NFIB: variants seen among roughly 807,000 people sequenced by gnomAD.
The protein encoded by NFIB is nuclear factor 1 B-type.
In NFIB, 11 loss-of-function variants were observed where a neutral mutation model predicts 61.5. The observed-to-expected ratio is 0.18, with a 90% CI of 0.11 to 0.30. The LOEUF is 0.30. NFIB is among the 10% of genes least tolerant of loss of function. NFIB has a pLI of 1.00. For synonymous variants in NFIB, 260 were observed against 216.5 expected, an observed-to-expected ratio of 1.20 and a Z score of -1.76; for missense variants, 471 against 608.9, an observed-to-expected ratio of 0.77 and a Z score of 2.38.
chr9:14,289,744 G>A (rs976205745), intron 2 of NFIB, among the ~76,000 whole-genome samples: 18 of 151,932 alleles, frequency 1.2e-4, no homozygotes, highest in African/African-American at 4.3e-4. Flanking sequence ...TAAATGATGT[G>A]TCATTTTTAA....
intron 2 of NFIB, among the ~76,000 whole-genome samples, chr9:14,219,178 T>C (rs898609478): frequency 6.6e-6 from 1 of 152,156 alleles, no homozygotes; most frequent in Non-Finnish European, 1.5e-5. Flanking sequence ...CACAACTCCC[T>C]ATCTGCCATG....
chr9:14,142,114 T>C (rs2041797262), intron 6 of NFIB, among the ~76,000 whole-genome samples: 1 of 152,308 alleles, frequency 6.6e-6, no homozygotes, highest in Admixed American at 6.5e-5. Flanking sequence ...TTTATTTGTC[T>C]GTTAAATTAC....
At chr9:14,199,032 C>T (rs1003035210) in intron 2 of NFIB, among the ~76,000 whole-genome samples, 1 of 152,332 alleles carries the variant, frequency 6.6e-6, no homozygotes, top group South Asian at 2.1e-4. Flanking sequence ...CAAAACATCA[C>T]ACCCTGACTG....
chr9:14,306,811 T>G (rs899434550), intron 2 of NFIB, among the ~76,000 whole-genome samples, 178 bp downstream of exon 2: 11 of 152,204 alleles, frequency 7.2e-5, no homozygotes, highest in African/African-American at 2.7e-4. Context: ...CTGTGTCTAT[T>G]TACATGGCTC....
At chr9:14,335,328 C>A (rs2060873621) in intron 1 of NFIB, among the ~76,000 whole-genome samples, 1 of 152,222 alleles carries the variant, frequency 6.6e-6, no homozygotes, top group African/African-American at 2.4e-5. Context: ...AGCTCCCATT[C>A]CTCCACATCC....
At chr9:14,203,379 C>T (rs2049271595) in intron 2 of NFIB, among the ~76,000 whole-genome samples, 1 of 152,132 alleles carries the variant, frequency 6.6e-6, no homozygotes, top group Non-Finnish European at 1.5e-5. Flanking sequence ...TCTGCATAAA[C>T]CCGGTTAATT....
the NFIB span, among the ~76,000 whole-genome samples, chr9:14,443,257 C>T: frequency 0.1 from 15,654 of 152,096 alleles, 858 homozygotes; most frequent in Middle Eastern, 0.15. Context: ...AGTCTCCATG[C>T]TACCCACCTC....
rs972509973 is a variant in NFIB at position 14,083,587 on chromosome 9, C to T, written c.*4722G>A. The T allele has an allele frequency of 4.7e-6, 1 of 214,052 alleles. No homozygotes were observed. Among genetic ancestry groups the T allele is most frequent in the African/African-American group, 2.3e-5 (1 of 43,984 alleles). 13.3% of individuals were successfully genotyped at this position (214,052 alleles called of 1,614,324 possible). ...AAAGACCTTGACAGGAACATGTAAA[C>T]TATATTGAATGTCATGCTTGGGGCC... is the stretch of plus-strand genomic sequence containing the variant. On this transcript the variant is annotated 3_prime_UTR_variant, in exon 11 of 11. Coordinates refer to ENST00000380953, the MANE Select transcript of NFIB (RefSeq NM_001190737.2).
chr9:14,309,973 C>A (rs917772918), intron 1 of NFIB, among the ~76,000 whole-genome samples: 1 of 152,160 alleles, frequency 6.6e-6, no homozygotes, highest in African/African-American at 2.4e-5. Context: ...AATATTAAGC[C>A]ATGTGGTAAC....
At chr9:14,275,470 C>A (rs957156285) in intron 2 of NFIB, among the ~76,000 whole-genome samples, 1 of 152,118 alleles carries the variant, frequency 6.6e-6, no homozygotes, top group Admixed American at 6.6e-5. Context: ...AAGTGCACGG[C>A]GCCATGGTTA....
the NFIB span, among the ~76,000 whole-genome samples, chr9:14,455,578 G>C: frequency 6.6e-6 from 1 of 152,110 alleles, no homozygotes; most frequent in Non-Finnish European, 1.5e-5. Context: ...ATTTAATGAA[G>C]ATGATGTTTA....
the NFIB span, among the ~76,000 whole-genome samples, chr9:14,404,997 A>G: frequency 6.6e-6 from 1 of 152,216 alleles, no homozygotes; most frequent in African/African-American, 2.4e-5. Flanking sequence ...CCTGCTGGGC[A>G]TACAACTGTA....
At chr9:14,406,947 T>A in the NFIB span, among the ~76,000 whole-genome samples, 1 of 152,222 alleles carries the variant, frequency 6.6e-6, no homozygotes, top group African/African-American at 2.4e-5. Context: ...TTTAAGCCAT[T>A]GAGATATCAT....
chr9:14,152,275 A>T (rs756180532), intron 4 of NFIB, among the ~76,000 whole-genome samples: 3 of 152,146 alleles, frequency 2.0e-5, no homozygotes, highest in Non-Finnish European at 4.4e-5. Flanking sequence ...TCCAATGAGT[A>T]ACTAAGTGCC....
intron 10 of NFIB, among the ~76,000 whole-genome samples, chr9:14,108,218 A>G (rs1341234763): frequency 6.6e-6 from 1 of 152,130 alleles, no homozygotes; most frequent in Non-Finnish European, 1.5e-5. Context: ...AACAGACACA[A>G]TAAGAACAGC....
At chr9:14,281,576 T>A (rs982886970) in intron 2 of NFIB, among the ~76,000 whole-genome samples, 2 of 152,218 alleles carry the variant, frequency 1.3e-5, no homozygotes, top group African/African-American at 4.8e-5. Flanking sequence ...TGCTGCTAAG[T>A]TAGAAACATG....
chr9:14,237,698 A>C (rs1484641922), intron 2 of NFIB, among the ~76,000 whole-genome samples: 1 of 151,802 alleles, frequency 6.6e-6, no homozygotes, highest in African/African-American at 2.4e-5. Context: ...GCCGATCTAC[A>C]TTGTTTCTTA....
chr9:14,463,815 C>G, the NFIB span, among the ~76,000 whole-genome samples: 2 of 152,008 alleles, frequency 1.3e-5, no homozygotes, highest in Admixed American at 6.5e-5. Context: ...CGCCCGCCAC[C>G]AAGCCCGGCT....
the NFIB span, among the ~76,000 whole-genome samples, chr9:14,425,677 T>C: frequency 6.6e-6 from 1 of 151,416 alleles, no homozygotes; most frequent in Non-Finnish European, 1.5e-5. Context: ...TCGAGGTATT[T>C]GTTTTCCCTC....
Sources: allele counts gnomAD v4.1 joint callset (sites outside exome capture counted in the v4.1 genomes callset), GRCh38; gene constraint gnomAD v4.1.1; transcripts MANE v1.5; gene names NCBI Gene and HGNC (gene_info 2026-07-23, HGNC 2026-07-21).